Variants in NRCAM observed in about 807,000 individuals in gnomAD.
NRCAM encodes the protein neuronal cell adhesion molecule.
NRCAM carries 83 observed loss-of-function variants against 156.5 expected under a neutral mutation model. The observed-to-expected ratio is 0.53, with a 90% confidence interval of 0.44 to 0.64. The LOEUF (loss-of-function observed/expected upper bound fraction) is 0.64, where lower values mean the gene tolerates loss of function less well. Ranked by LOEUF, NRCAM falls within the 30% of genes least tolerant of loss-of-function variation. NRCAM has a pLI of 0.00. For missense variants in NRCAM, 1,417 were observed against 1,597.3 expected (o/e 0.89, Z 1.92); for synonymous variants, 538 against 563.9 (o/e 0.95, Z 0.65).
At chr7:108,180,007 C>T (rs922026051) in intron 25 of NRCAM, among the ~76,000 whole-genome samples, 9 of 152,284 alleles carry the variant, frequency 5.9e-5, no homozygotes, top group South Asian at 4.1e-4. Flanking sequence ...GAGGGCATTT[C>T]AGAGCAGCAT....
chr7:108,434,070 C>G (rs191480080), intron 1 of NRCAM, among the ~76,000 whole-genome samples: 23 of 152,214 alleles, frequency 1.5e-4, no homozygotes, highest in South Asian at 4.1e-4. Context: ...AGTAATTGAC[C>G]AAAGGCACTC....
At chr7:108,368,091 A>C (rs1380161016) in intron 2 of NRCAM, among the ~76,000 whole-genome samples, 1 of 152,030 alleles carries the variant, frequency 6.6e-6, no homozygotes, top group African/African-American at 2.4e-5. Flanking sequence ...TTCCAGTTAG[A>C]GGGGGCTAAT....
intron 1 of NRCAM, among the ~76,000 whole-genome samples, chr7:108,428,958 T>G (rs1005643712): frequency 6.6e-6 from 1 of 151,872 alleles, no homozygotes; most frequent in Non-Finnish European, 1.5e-5. Flanking sequence ...TTCTTTTTTT[T>G]TTTAAAGGCT....
intron 1 of NRCAM, among the ~76,000 whole-genome samples, chr7:108,440,198 G>T (rs1277681793): frequency 2.0e-5 from 3 of 152,134 alleles, no homozygotes; most frequent in Non-Finnish European, 2.9e-5. Flanking sequence ...ACAACATGGA[G>T]AACCCTCAAA....
At chr7:108,408,553 G>A (rs2154406890) in intron 1 of NRCAM, among the ~76,000 whole-genome samples, 1 of 152,320 alleles carries the variant, frequency 6.6e-6, no homozygotes, top group South Asian at 2.1e-4. Flanking sequence ...CCTGACATAT[G>A]AGGTTCTATG....
At chr7:108,336,127 T>C (rs559857401) in intron 2 of NRCAM, among the ~76,000 whole-genome samples, 50 of 152,292 alleles carry the variant, frequency 3.3e-4, no homozygotes, top group African/African-American at 1.2e-3. Context: ...GCTGACCTTA[T>C]TTTCTATAAT....
At chr7:108,382,186 C>T (rs1428391128) in intron 2 of NRCAM, among the ~76,000 whole-genome samples, 3 of 150,288 alleles carry the variant, frequency 2.0e-5, no homozygotes, top group Admixed American at 6.6e-5. Context: ...TTTTGCTTTC[C>T]GGAGGAGGGA....
chr7:108,207,620 A>G lies in NRCAM; in HGVS notation c.1115T>C (p.Leu372Pro), dbSNP rs2081857894. The G allele has an allele frequency of 3.1e-6, 5 of 1,613,694 alleles. No homozygotes were observed. The highest frequency in any genetic ancestry group is 1.6e-4 in the Middle Eastern group (1 of 6,082). The change falls in exon 13 of 33, where the codon CTG (leucine) becomes CCG (proline). Residue 372 changes from leucine (L) to proline (P), a missense_variant. This residue lies in a region of NRCAM where 1,238 missense variants were observed against 1,336.4 expected (regional missense o/e 0.93). Transcript: ENST00000379028. ...CAAGGTCCCATCCTCTCCTGGGGACAGCACAAGATTTTGAGGGGCTGTGAT... is the reference window on the plus strand; with the variant it reads ...CAAGGTCCCATCCTCTCCTGGGGACGGCACAAGATTTTGAGGGGCTGTGAT... ...YWITAPQNLV[L>P]SPGEDGTLIC...
intron 30 of NRCAM, among the ~76,000 whole-genome samples, chr7:108,166,342 G>T (rs1350665408): frequency 6.6e-6 from 1 of 151,626 alleles, no homozygotes; most frequent in Admixed American, 6.6e-5. Context: ...CTGCCTCCCG[G>T]GTTCAAGTGA....
intron 3 of NRCAM, among the ~76,000 whole-genome samples, chr7:108,258,081 C>T (rs910006936): frequency 3.3e-5 from 5 of 152,192 alleles, no homozygotes; most frequent in African/African-American, 1.2e-4. Context: ...AAGTCCATTT[C>T]CTCACACAGA....
chr7:108,254,116 GA>G (rs1015141318), intron 3 of NRCAM, among the ~76,000 whole-genome samples: 3 of 151,908 alleles, frequency 2.0e-5, no homozygotes, highest in Non-Finnish European at 4.4e-5. Context: ...GACACCAAAA[GA>G]AAAAAACTGA....
intron 11 of NRCAM, among the ~76,000 whole-genome samples, chr7:108,222,860 G>C (rs1005740944): frequency 2.0e-5 from 3 of 152,154 alleles, no homozygotes; most frequent in African/African-American, 7.2e-5. Context: ...GCAGAAGACA[G>C]GGACTATATA....
At chr7:108,159,165 A>G (rs1047926826) in intron 32 of NRCAM, 6 of 516,900 alleles carry the variant, frequency 1.2e-5, no homozygotes, top group African/African-American at 2.0e-5. Flanking sequence ...TTTAATGCTC[A>G]TAGTAGCATA....
intron 2 of NRCAM, among the ~76,000 whole-genome samples, chr7:108,316,602 T>G (rs1026480401): frequency 6.6e-6 from 1 of 151,726 alleles, no homozygotes; most frequent in African/African-American, 2.4e-5. Flanking sequence ...GGTGAAACCC[T>G]GTCTCTACTA....
At chr7:108,188,696 A>G (rs775064806) in intron 20 of NRCAM, among the ~76,000 whole-genome samples, 1 of 144,150 alleles carries the variant, frequency 6.9e-6, no homozygotes, top group Non-Finnish European at 1.5e-5. Context: ...GTACCCAATG[A>G]GCTAGAAGAC....
Position 108,252,063 on chromosome 7 carries a change from C to A in NRCAM, c.-106-11893G>T, listed in dbSNP as rs192916912. ...CAGGGAGGTGGCATCAGAAAGAGTA[C>A]CAGGGAGACCACTAAGACTAAGATT... On this transcript the variant is annotated intron_variant, in intron 3 of 32. Transcript: ENST00000379028. Among the ~76,000 whole-genome samples the A allele has an allele frequency of 3.6e-3, 541 of 152,146 alleles. 3 individuals are homozygous for A. Among genetic ancestry groups the A allele is most frequent in the African/African-American group, 0.012 (494 of 41,502 alleles).
At chr7:108,195,067 G>C (rs992791721) in intron 15 of NRCAM, among the ~76,000 whole-genome samples, 3 of 78,332 alleles carry the variant, frequency 3.8e-5, no homozygotes, top group Non-Finnish European at 1.0e-4. Context: ...CTGCTTTGGA[G>C]CTTATAGAAC....
At chr7:108,366,564 G>GT (rs1417751411) in intron 2 of NRCAM, among the ~76,000 whole-genome samples, 6 of 144,804 alleles carry the variant, frequency 4.1e-5, no homozygotes, top group Non-Finnish European at 7.7e-5. Flanking sequence ...AATTCTCCAA[G>GT]TTTTGCTTTC....
intron 2 of NRCAM, among the ~76,000 whole-genome samples, chr7:108,355,017 T>C (rs1178561651): frequency 6.6e-6 from 1 of 152,156 alleles, no homozygotes; most frequent in Non-Finnish European, 1.5e-5. Flanking sequence ...AAACCTATTG[T>C]GTAGAAAATT....
Sources: gnomAD v4.1 joint callset for allele counts (sites outside exome capture counted in the v4.1 genomes callset) on GRCh38, gnomAD v4.1.1 for gene constraint, gnomAD v4.1.1 regional missense constraint, MANE v1.5 for transcripts, NCBI Gene and HGNC (gene_info 2026-07-23, HGNC 2026-07-21) for gene names.